The following RUBCNL variants were observed in gnomAD, a reference collection of about 807,000 sequenced individuals.
RUBCNL encodes the protein protein associated with UVRAG as autophagy enhancer.
A neutral mutation model predicts 69.5 loss-of-function variants in RUBCNL; 62 were observed. That is an observed-to-expected ratio of 0.89 (90% confidence interval 0.73 to 1.10). RUBCNL has a LOEUF of 1.10. Among genes scored for constraint, RUBCNL ranks in the 50% least tolerant of loss-of-function variants. RUBCNL has a pLI of 0.00. For synonymous variants in RUBCNL, 291 were observed against 303.6 expected, an observed-to-expected ratio of 0.96 and a Z score of 0.43; for missense variants, 768 against 798.1, an observed-to-expected ratio of 0.96 and a Z score of 0.45.
chr13:46,350,141 G>A lies in RUBCNL; in HGVS notation c.1541C>T (p.Ala514Val), dbSNP rs978964783. The A allele has an allele frequency of 6.4e-6, 10 of 1,574,742 alleles. No individual in the cohort carries two copies. Among genetic ancestry groups the A allele is most frequent in the Admixed American group, 3.7e-5 (2 of 54,222 alleles). Residue 514 changes from alanine (A) to valine (V), a missense_variant, in exon 11 of 15, where the codon GCG becomes GTG. Transcript: ENST00000429979. ...NLLSIGQSLY[A>V]KAKELDRVKE... The stretch of plus-strand genomic sequence containing the variant: ...CACTCTGTCCAGCTCCTTGGCTTTC[G>A]CATACAGGCTTTGGCCGATGCTCAG...
intron 10 of RUBCNL, chr13:46,354,816 A>T (rs1166237683): frequency 2.2e-6 from 1 of 456,650 alleles, no homozygotes; most frequent in Non-Finnish European, 4.4e-6. Context: ...CCCTGAGGGC[A>T]AGGCCACTGT....
chr13:46,367,369 A>G (rs558133584), intron 5 of RUBCNL, among the ~76,000 whole-genome samples: 12 of 152,340 alleles, frequency 7.9e-5, no homozygotes, highest in East Asian at 1.9e-4. Context: ...GATTCATTGG[A>G]AAAGGAAAGA....
At position 46,336,807 on chromosome 13, in the gene RUBCNL, G is replaced by T. The variant is rs641495; in HGVS notation, c.*6578C>A. ...GTTCTTTCAAAAATGTTGCTGTGAA[G>T]AAGATCATAGAGGTAGAACTGGAAA... On this transcript the variant is annotated 3_prime_UTR_variant, in exon 15 of 15. Coordinates refer to ENST00000429979, the MANE Select transcript of RUBCNL (RefSeq NM_025113.5). Among the ~76,000 whole-genome samples the T allele has an allele frequency of 0.3, 46,282 of 151,868 alleles. 7,235 individuals carry two copies. The highest frequency in any genetic ancestry group is 0.36 in the Middle Eastern group (105 of 294).
chr13:46,386,996 G>T, intron 1 of RUBCNL, 138 bp downstream of exon 1: 1 of 725,852 alleles, frequency 1.4e-6, no homozygotes, highest in Non-Finnish European at 1.7e-6. Flanking sequence ...TAAGATACCT[G>T]GGTGTCTCTG....
rs543939454 is a variant in RUBCNL, at chr13:46,366,952, C to T, written c.826+1090G>A. Among the ~76,000 whole-genome samples the T allele has an allele frequency of 1.1e-4, 16 of 152,196 alleles. No homozygotes were observed. In the East Asian group the frequency reaches 3.1e-3, roughly 29 times the overall value. ...AGAGCAAGCACTTAGAAGAGATGTC[C>T]AGGACTGAAAACATAGATTCAGGAG... On this transcript the variant is annotated intron_variant, in intron 5 of 14. Coordinates refer to ENST00000429979, the MANE Select transcript of RUBCNL (RefSeq NM_025113.5).
intron 1 of RUBCNL, among the ~76,000 whole-genome samples, chr13:46,380,901 T>C (rs2138843774): frequency 6.6e-6 from 1 of 152,166 alleles, no homozygotes; most frequent in Middle Eastern, 3.4e-3. Context: ...AAAAACCAGA[T>C]TTACATGCAA....
At chr13:46,362,747 A>G (rs1176493602) in intron 6 of RUBCNL, 149 bp from the exon 7 acceptor site, 6 of 618,754 alleles carry the variant, frequency 9.7e-6, no homozygotes, top group African/African-American at 1.9e-5. Context: ...TGAGAAATGG[A>G]CAGAACAGAT....
In RUBCNL at chr13:46,342,893, T is replaced by C. The variant is rs527316922; in HGVS notation, c.*492A>G. On this transcript the variant is annotated 3_prime_UTR_variant, in exon 15 of 15. Transcript: ENST00000429979. ...TCTGAAGTAAATAAAATGTGTATGA[T>C]TGACACAATCACAAAATGGCATTTA... 3.2e-4 allele frequency: 49 copies of C among 154,890 alleles called. No homozygotes were observed. Among genetic ancestry groups the C allele is most frequent in the Non-Finnish European group, 5.5e-4 (38 of 69,628 alleles). The allele number at this position is 154,890 out of a possible 1,614,324, so 9.6% of individuals were successfully genotyped here. A position where few individuals can be genotyped will look rare whatever the true frequency, so the allele number is the denominator to read the frequency against.
In RUBCNL at chr13:46,335,039, A is replaced by G. The variant is rs938065220; in HGVS notation, c.*8346T>C. ...CAGGAAGTGGTGCAGGTCAAGCCCA[A>G]CAGGAAACCTACTTGGGTAAAGAAT... On this transcript the variant is annotated 3_prime_UTR_variant, in exon 15 of 15. Transcript: ENST00000429979. Among the ~76,000 whole-genome samples the G allele has an allele frequency of 3.3e-5, 5 of 151,954 alleles. No homozygotes were observed. Among genetic ancestry groups the G allele is most frequent in the African/African-American group, 7.2e-5 (3 of 41,380 alleles).
At chr13:46,349,439 G>GA in intron 11 of RUBCNL, 92 bp from the exon 12 acceptor site, 5 of 1,229,376 alleles carry the variant, frequency 4.1e-6, no homozygotes. Flanking sequence ...TTCTAAGCTT[G>GA]AAATGCTGCA....
rs140133808 is a variant in RUBCNL, at chr13:46,365,628, A to G, written c.826+2414T>C. Among the ~76,000 whole-genome samples, 1,121 of 152,328 alleles carry G rather than the reference A, an allele frequency of 7.4e-3. 6 individuals are homozygous for G. The highest frequency in any genetic ancestry group is 0.013 in the Non-Finnish European group (867 of 68,032). The stretch of plus-strand genomic sequence containing the variant: ...TGATGTGTGGTTACTGGGGGAACCC[A>G]CATTTCAGGACATCCTTCCCAAAGC... On this transcript the variant is annotated intron_variant, in intron 5 of 14. Transcript: ENST00000429979.
chr13:46,381,549 C>A (rs900078496), intron 1 of RUBCNL, among the ~76,000 whole-genome samples: 1 of 152,124 alleles, frequency 6.6e-6, no homozygotes, highest in Non-Finnish European at 1.5e-5. Flanking sequence ...TGTGAATACA[C>A]TGAAAATCAC....
intron 9 of RUBCNL, among the ~76,000 whole-genome samples, chr13:46,358,155 TCTGCCCAAGCA>T (rs1277859102): frequency 3.9e-5 from 6 of 152,168 alleles, no homozygotes; most frequent in Non-Finnish European, 7.3e-5. Context: ...GACAGGGAGT[TCTGCCCAAGCA>T]GCCCCACAGA....
At chr13:46,356,948 C>T (rs1452693049) in intron 9 of RUBCNL, among the ~76,000 whole-genome samples, 3 of 147,678 alleles carry the variant, frequency 2.0e-5, no homozygotes, top group Non-Finnish European at 4.5e-5. Flanking sequence ...ACACTGGTTT[C>T]GAACTCCTGG....
chr13:46,343,588 G>A, intron 14 of RUBCNL, 91 bp from the exon 15 acceptor site: 5 of 1,355,704 alleles, frequency 3.7e-6, no homozygotes, highest in South Asian at 2.8e-5. Context: ...GGAGGGAGAG[G>A]GGTCTGAATC....
chr13:46,385,549 A>T (rs1406033717), intron 1 of RUBCNL, among the ~76,000 whole-genome samples: 1 of 152,190 alleles, frequency 6.6e-6, no homozygotes. Flanking sequence ...GTAACAAGGG[A>T]AACTATTCAA....
chr13:46,359,423 AG>A (rs966615167), intron 9 of RUBCNL, 62 bp downstream of exon 9: 1 of 1,413,270 alleles, frequency 7.1e-7, no homozygotes, highest in Non-Finnish European at 9.6e-7. Flanking sequence ...CCATAGAGTC[AG>A]GTGGGATCTG....
chr13:46,356,590 C>A, intron 9 of RUBCNL, 94 bp from the exon 10 acceptor site: 1 of 984,286 alleles, frequency 1.0e-6, no homozygotes, highest in Admixed American at 2.3e-5. Context: ...TGATACTTTT[C>A]TAACTAAGGG....
Position 46,342,585 on chromosome 13 carries a change from C to T in RUBCNL, c.*800G>A, listed in dbSNP as rs571945877. ...TAGAATCACACTGTTCATTATTTCC[C>T]CCAGTTCGTTTAAATCTGCAAATAC... On this transcript the variant is annotated 3_prime_UTR_variant, in exon 15 of 15. Coordinates refer to ENST00000429979, the MANE Select transcript of RUBCNL (RefSeq NM_025113.5). 2 of 152,224 alleles carry T rather than the reference C, an allele frequency of 1.3e-5. No individual in the cohort carries two copies. Among genetic ancestry groups the T allele is most frequent in the African/African-American group, 4.8e-5 (2 of 41,544 alleles). The allele number at this position is 152,224 out of a possible 1,614,324, so 9.4% of individuals were successfully genotyped here. A position where few individuals can be genotyped will look rare whatever the true frequency, so the allele number is the denominator to read the frequency against.
Sources: allele counts gnomAD v4.1 joint callset (sites outside exome capture counted in the v4.1 genomes callset), GRCh38; gene constraint gnomAD v4.1.1; transcripts MANE v1.5; gene names NCBI Gene and HGNC (gene_info 2026-07-23, HGNC 2026-07-21).